C16orf96: variants seen among roughly 807,000 people sequenced by gnomAD.
The protein encoded by C16orf96 is uncharacterized protein C16orf96.
C16orf96 carries 108 observed loss-of-function variants against 103.6 expected under a neutral mutation model. The ratio of observed to expected loss-of-function variants is 1.04; its 90% CI spans 0.89 to 1.22. The LOEUF (loss-of-function observed/expected upper bound fraction) is 1.22. C16orf96 is among the 50% of genes most tolerant of loss of function. C16orf96 has a pLI of 0.00. For synonymous variants in C16orf96, 566 were observed against 593.5 expected (o/e 0.95, Z 0.67); for missense variants, 1,586 against 1,464.2 (o/e 1.08, Z -1.36).
At chr16:4,569,063 G>C (rs2059410302) in intron 1 of C16orf96, among the ~76,000 whole-genome samples, 1 of 152,014 alleles carries the variant, frequency 6.6e-6, no homozygotes, top group Admixed American at 6.6e-5. Context: ...TCTGCCTCCG[G>C]GGTTCAAGTG....
At chr16:4,567,224 A>T (rs546593039) in intron 1 of C16orf96, among the ~76,000 whole-genome samples, 1 of 151,572 alleles carries the variant, frequency 6.6e-6, no homozygotes, top group South Asian at 2.1e-4. Flanking sequence ...AACTCATTTC[A>T]AATTAGTTTC....
chr16:4,570,233 T>G (rs1052925843), intron 1 of C16orf96, among the ~76,000 whole-genome samples: 2 of 152,154 alleles, frequency 1.3e-5, no homozygotes, highest in Admixed American at 1.3e-4. Context: ...TCGGAATAAA[T>G]TCACTTTCTT....
Position 4,593,662 on chromosome 16 carries a change from C to T in C16orf96, c.2867+346C>T, listed in dbSNP as rs186917893. On this transcript the variant is annotated intron_variant, in intron 12 of 15. Coordinates refer to ENST00000444310, the MANE Select transcript of C16orf96 (RefSeq NM_001145011.2). The surrounding 1 kb of genome is among the most constrained non-coding windows in gnomAD (Gnocchi z 4.2). ...AGGGAATCGGTGATGATGGGGAACCCTCAGGGAGCCGCTGCTGTGCCCGGC... is the reference window on the plus strand; with the variant it reads ...AGGGAATCGGTGATGATGGGGAACCTTCAGGGAGCCGCTGCTGTGCCCGGC... Among the ~76,000 whole-genome samples, 1 of 152,134 alleles carries T rather than the reference C, an allele frequency of 6.6e-6. No individual in the cohort carries two copies. The highest frequency in any genetic ancestry group is 2.1e-4 in the South Asian group (1 of 4,826).
chr16:4,575,329 T>C lies in C16orf96; in HGVS notation c.849T>C (p.Tyr283=). 2 of 1,551,284 alleles carry C rather than the reference T, an allele frequency of 1.3e-6. No individual in the cohort carries two copies. Among genetic ancestry groups the C allele is most frequent in the South Asian group, 1.2e-5 (1 of 84,064 alleles). ...NPQLLQTVWH[Y]EVPELLPEGS... is the part of the protein sequence containing the mutation. ...AGCTACTGCAGACTGTCTGGCATTA[T>C]GAGGTCCCAGAGCTCCTCCCGGAGG... The change falls in exon 5 of 16, where the codon TAT becomes TAC. Residue 283 remains tyrosine (Y), a synonymous_variant. Transcript: ENST00000444310.
chr16:4,578,599 A>G (rs1018161366), intron 5 of C16orf96, among the ~76,000 whole-genome samples: 2 of 152,016 alleles, frequency 1.3e-5, no homozygotes, highest in Admixed American at 6.5e-5. Flanking sequence ...CTCTACTAAA[A>G]ATACAAAAAT....
intron 13 of C16orf96, 48 bp from the exon 14 acceptor site, chr16:4,594,656 C>T: frequency 6.5e-7 from 1 of 1,546,182 alleles, no homozygotes; most frequent in Non-Finnish European, 8.8e-7. Flanking sequence ...AGTTCGGGGG[C>T]AGATCGGGTC....
At chr16:4,600,066 G>A (rs1166097073) in intron 15 of C16orf96, 34 bp from the exon 16 acceptor site, 5 of 1,535,734 alleles carry the variant, frequency 3.3e-6, no homozygotes, top group South Asian at 2.4e-5. Context: ...AAGGTTCTTG[G>A]CACACATCTA....
the C16orf96 span, among the ~76,000 whole-genome samples, chr16:4,546,085 T>A: frequency 7.2e-5 from 11 of 151,912 alleles, no homozygotes; most frequent in South Asian, 2.3e-3. Context: ...CCTGACCTCA[T>A]GATCCGCCCA....
rs139989432 is a variant in C16orf96 at position 4,572,913 on chromosome 16, C to A, written c.525+1248C>A. On this transcript the variant is annotated intron_variant, in intron 2 of 15. Transcript: ENST00000444310. ...CCCCGTCACAACTGATGAGTCACAG[C>A]TGGGGTCTGAAGCCAGCTCTCCACA... 1.8e-3 allele frequency among the ~76,000 whole-genome samples: 270 copies of A among 152,258 alleles called. 1 individual carries two copies. Among genetic ancestry groups the A allele is most frequent in the African/African-American group, 6.2e-3 (257 of 41,562 alleles).
Position 4,580,824 on chromosome 16 carries a change from C to G in C16orf96, c.2352+699C>G, listed in dbSNP as rs1232465841. On this transcript the variant is annotated intron_variant, in intron 7 of 15. Coordinates refer to ENST00000444310, the MANE Select transcript of C16orf96 (RefSeq NM_001145011.2). The stretch of plus-strand genomic sequence containing the variant: ...CCAACATGGTGAAACCCCGTCTCTT[C>G]TAGAAAAATACAAAATTAGGCTGGG... 2.0e-5 allele frequency among the ~76,000 whole-genome samples: 3 copies of G among 151,588 alleles called. No individual in the cohort carries two copies. In the East Asian group the frequency reaches 5.9e-4, roughly 30 times the overall value.
At position 4,575,628 on chromosome 16, in the gene C16orf96, T is replaced by G; in HGVS notation, c.1148T>G (p.Leu383Arg). Residue 383 changes from leucine to arginine, a missense_variant, in exon 5 of 16, where the codon CTG becomes CGG. By Grantham distance (102) the Leu-to-Arg change is moderately radical (BLOSUM62 -2). Transcript: ENST00000444310. ...GCCCCAGGTGCCCAGCCTCCACCACTGGGAGACTGGCCTGCACTCCCAAGA... is the reference window on the plus strand; with the variant it reads ...GCCCCAGGTGCCCAGCCTCCACCACGGGGAGACTGGCCTGCACTCCCAAGA... ...VPAPGAQPPP[L>R]GDWPALPRRW... 1.3e-6 allele frequency: 2 copies of G among 1,526,730 alleles called. No individual in the cohort carries two copies. The highest frequency in any genetic ancestry group is 1.8e-6 in the Non-Finnish European group (2 of 1,136,010). The allele number at this position is 1,526,730 out of a possible 1,614,324, so 94.6% of individuals were successfully genotyped here. A position where few individuals can be genotyped will look rare whatever the true frequency, so the allele number is the denominator to read the frequency against.
At position 4,600,494 on chromosome 16, in the gene C16orf96, C is replaced by CCA. The variant is rs1364804418; in HGVS notation, c.*178_*179insAC. 7 of 479,410 alleles carry CCA rather than the reference C, an allele frequency of 1.5e-5. No homozygotes were observed. The highest frequency in any genetic ancestry group is 3.7e-5 in the Admixed American group (1 of 26,850). 29.7% of individuals were successfully genotyped at this position (479,410 alleles called of 1,614,324 possible). On this transcript the variant is annotated 3_prime_UTR_variant, in exon 16 of 16. Coordinates refer to ENST00000444310, the MANE Select transcript of C16orf96 (RefSeq NM_001145011.2). ...TCCGAGGCTGAGGCTCATGCGCCCC[C>CCA]CCCCATCCCTACCAAGTCCCCTCCA...
intron 14 of C16orf96, among the ~76,000 whole-genome samples, chr16:4,596,922 C>A (rs901048907): frequency 6.6e-6 from 1 of 152,190 alleles, no homozygotes; most frequent in Non-Finnish European, 1.5e-5. Flanking sequence ...AGCTTCTCTT[C>A]TGTGTGTCCT....
chr16:4,552,110 G>A (rs1015955207), upstream of C16orf96, among the ~76,000 whole-genome samples: 5 of 152,160 alleles, frequency 3.3e-5, no homozygotes, highest in Non-Finnish European at 5.9e-5. Context: ...TTTTATGGCT[G>A]CAGTTTGGGG....
At chr16:4,586,035 G>T (rs559882402) in intron 7 of C16orf96, among the ~76,000 whole-genome samples, 2 of 152,100 alleles carry the variant, frequency 1.3e-5, no homozygotes, top group African/African-American at 4.8e-5. Flanking sequence ...TGAGGCAGGC[G>T]AATCATTTGA....
At chr16:4,589,045 C>T (rs924147257) in intron 9 of C16orf96, among the ~76,000 whole-genome samples, 2 of 152,140 alleles carry the variant, frequency 1.3e-5, no homozygotes, top group African/African-American at 4.8e-5. Flanking sequence ...CACTGGCAGT[C>T]AGTAAACGAT....
rs2059505576 is a variant in C16orf96 at position 4,576,192 on chromosome 16, C to A, written c.1712C>A (p.Ala571Asp). ...CGGCTGAAAACCACCGCTGCCATCG[C>A]CGCCGCTGCCGCCGCAGCCTACGCC... Reference protein sequence around the residue: ...LHRLKTTAAIAAAAAAAYAAA... With the variant: ...LHRLKTTAAIDAAAAAAYAAA... The change falls in exon 5 of 16, where the codon GCC (alanine) becomes GAC (aspartate). Residue 571 changes from alanine (A) to aspartate (D), a missense_variant. By Grantham distance (126) the Ala-to-Asp change is moderately radical. Transcript: ENST00000444310. 6.5e-7 allele frequency: 1 copy of A among 1,550,338 alleles called. No individual in the cohort carries two copies. Among genetic ancestry groups the A allele is most frequent in the African/African-American group, 1.4e-5 (1 of 73,060 alleles).
chr16:4,577,548 G>A (rs1305005001), intron 5 of C16orf96, among the ~76,000 whole-genome samples: 1 of 152,132 alleles, frequency 6.6e-6, no homozygotes, highest in East Asian at 1.9e-4. Context: ...CTACTCAGGA[G>A]GCTGAGGCAG....
the C16orf96 span, among the ~76,000 whole-genome samples, chr16:4,547,513 T>C: frequency 6.6e-6 from 1 of 152,074 alleles, no homozygotes; most frequent in East Asian, 1.9e-4. Flanking sequence ...AGAAAATAGA[T>C]TAGTGGTTAC....
Sources: allele counts gnomAD v4.1 joint callset (sites outside exome capture counted in the v4.1 genomes callset), GRCh38; gene constraint gnomAD v4.1.1; non-coding constraint Gnocchi (gnomAD v3.1); transcripts MANE v1.5; gene names NCBI Gene and HGNC (gene_info 2026-07-23, HGNC 2026-07-21).